The following CLUL1 variants were observed in gnomAD, a reference collection of about 807,000 sequenced individuals.
The protein encoded by CLUL1 is clusterin-like protein 1.
In CLUL1, 43 loss-of-function variants were observed where a neutral mutation model predicts 49.4. The ratio of observed to expected loss-of-function variants is 0.87; its 90% confidence interval spans 0.68 to 1.12. The LOEUF (loss-of-function observed/expected upper bound fraction) is 1.12. Ranked by LOEUF, CLUL1 falls within the 50% of genes most tolerant of loss-of-function variation. The pLI is 0.00. For missense variants in CLUL1, 486 were observed against 544.4 expected (o/e 0.89, Z 1.07); for synonymous variants, 192 against 184.9 (o/e 1.04, Z -0.31).
chr18:600,316 G>A (rs1050944393), intron 1 of CLUL1, among the ~76,000 whole-genome samples: 4 of 152,218 alleles, frequency 2.6e-5, no homozygotes, highest in Non-Finnish European at 4.4e-5. Flanking sequence ...CTGTAATGGA[G>A]TTTATCTGGC....
At chr18:637,403 C>T (rs926188112) in intron 7 of CLUL1, among the ~76,000 whole-genome samples, 4 of 152,090 alleles carry the variant, frequency 2.6e-5, no homozygotes, top group African/African-American at 9.7e-5. Context: ...TCTTCCACTT[C>T]ATTCTCTGTC....
rs370016609 is a variant in CLUL1 at position 609,371 on chromosome 18, A to G, written c.-14+2272A>G. On this transcript the variant is annotated intron_variant, in intron 2 of 9. Coordinates refer to ENST00000692774, the MANE Select transcript of CLUL1 (RefSeq NM_001393344.1). ...AAAAAATATGACATATATATCTGGC[A>G]TGCTCAGAAAAGCTATTTTGCAGCA... Among the ~76,000 whole-genome samples the G allele has an allele frequency of 2.0e-4, 30 of 152,346 alleles. No homozygotes were observed. In the East Asian group the frequency reaches 4.6e-3, roughly 23 times the overall value.
intron 4 of CLUL1, among the ~76,000 whole-genome samples, chr18:621,301 A>G (rs1488911797): frequency 6.6e-6 from 1 of 152,088 alleles, no homozygotes; most frequent in Non-Finnish European, 1.5e-5. Context: ...ACTTCTGAGG[A>G]TCATGGCCTC....
intron 6 of CLUL1, among the ~76,000 whole-genome samples, chr18:632,583 T>A (rs1386642735): frequency 6.6e-6 from 1 of 152,088 alleles, no homozygotes; most frequent in Non-Finnish European, 1.5e-5. Flanking sequence ...ACTAATGATA[T>A]AAGACAAATG....
Position 621,200 on chromosome 18 carries a change from A to G in CLUL1, c.255+1839A>G, listed in dbSNP as rs934330948. On this transcript the variant is annotated intron_variant, in intron 4 of 9. Transcript: ENST00000692774. ...ACCCCAGTCAGATTTTTAATTTAAAAATACAAGTGGAAGTTCTAATATTTT... is the reference window on the plus strand; with the variant it reads ...ACCCCAGTCAGATTTTTAATTTAAAGATACAAGTGGAAGTTCTAATATTTT... 2.0e-5 allele frequency among the ~76,000 whole-genome samples: 3 copies of G among 152,210 alleles called. 1 individual carries two copies. Among genetic ancestry groups the G allele is most frequent in the Admixed American group, 6.5e-5 (1 of 15,282 alleles).
chr18:612,573 G>A (rs761399349), intron 2 of CLUL1, among the ~76,000 whole-genome samples: 7 of 152,196 alleles, frequency 4.6e-5, no homozygotes, highest in Non-Finnish European at 7.4e-5. Context: ...TGAAAATTGT[G>A]TAGCTGGCTC....
intron 7 of CLUL1, among the ~76,000 whole-genome samples, chr18:639,540 C>G (rs566883097): frequency 2.7e-5 from 4 of 150,842 alleles, no homozygotes; most frequent in Non-Finnish European, 2.9e-5. Context: ...CCAAGGCGGG[C>G]AATCACTTAA....
At chr18:614,069 A>G (rs1818585263) in intron 2 of CLUL1, among the ~76,000 whole-genome samples, 1 of 152,212 alleles carries the variant, frequency 6.6e-6, no homozygotes, top group Non-Finnish European at 1.5e-5. Context: ...GGACAGGACC[A>G]TGAGACAATC....
chr18:634,321 C>G (rs1340495481), intron 7 of CLUL1, among the ~76,000 whole-genome samples: 1 of 151,932 alleles, frequency 6.6e-6, no homozygotes, highest in African/African-American at 2.4e-5. Flanking sequence ...TTAGTAGGGA[C>G]GAGGGTTTCA....
At chr18:598,554 G>A in intron 1 of CLUL1, 2 of 398,604 alleles carry the variant, frequency 5.0e-6, no homozygotes, top group Non-Finnish European at 8.8e-6. Context: ...GGGAACAGAA[G>A]TACCTCTCTT....
rs753575571 is a variant in CLUL1, at chr18:618,787, G to C, written c.107-426G>C. Among the ~76,000 whole-genome samples, 74 of 152,236 alleles carry C rather than the reference G, an allele frequency of 4.9e-4. 1 individual carries two copies. Among genetic ancestry groups the C allele is most frequent in the South Asian group, 2.3e-3 (11 of 4,804 alleles). ...TTACATGGGATACTTTCTAGGTCTC[G>C]TGCCTCCTTATTAGGTAACTGAAGC... is the stretch of plus-strand genomic sequence containing the variant. On this transcript the variant is annotated intron_variant, in intron 3 of 9. Coordinates refer to ENST00000692774, the MANE Select transcript of CLUL1 (RefSeq NM_001393344.1). The surrounding 1 kb of genome is among the most constrained non-coding windows in gnomAD (Gnocchi z 4.2).
intron 8 of CLUL1, among the ~76,000 whole-genome samples, chr18:642,459 C>T (rs1023516204): frequency 9.9e-5 from 15 of 152,016 alleles, no homozygotes; most frequent in Admixed American, 4.6e-4. Context: ...AAACATATTG[C>T]CATCTTAAAT....
At chr18:626,891 G>GAA (rs370511796) in intron 5 of CLUL1, among the ~76,000 whole-genome samples, 1 of 286 alleles carries the variant, frequency 3.5e-3, no homozygotes, top group Admixed American at 0.071. Context: ...AAGAAAGAAA[G>GAA]AAAGAAAGAA....
chr18:627,901 G>A (rs1232900594), intron 6 of CLUL1, among the ~76,000 whole-genome samples: 2 of 152,064 alleles, frequency 1.3e-5, no homozygotes, highest in African/African-American at 4.8e-5. Flanking sequence ...TTGGCTCACT[G>A]CAACCTCTGC....
intron 1 of CLUL1, among the ~76,000 whole-genome samples, chr18:605,183 C>A (rs2072937614): frequency 6.6e-6 from 1 of 152,164 alleles, no homozygotes; most frequent in Admixed American, 6.5e-5. Context: ...TATCGCTGTT[C>A]TAAAAATTCT....
intron 7 of CLUL1, 48 bp from the exon 8 acceptor site, chr18:641,279 A>G: frequency 6.4e-7 from 1 of 1,558,020 alleles, no homozygotes; most frequent in Non-Finnish European, 8.8e-7. Context: ...GCCCACCTCC[A>G]AGTTTCATGG....
At chr18:605,353 T>C (rs775935255) in intron 1 of CLUL1, among the ~76,000 whole-genome samples, 77 of 152,098 alleles carry the variant, frequency 5.1e-4, no homozygotes, top group Non-Finnish European at 9.9e-4. Flanking sequence ...TGAGGCAGGG[T>C]GTGGTGGCTC....
rs73364489 is a variant in CLUL1, at chr18:630,541, C to T, written c.857-2757C>T. Among the ~76,000 whole-genome samples the T allele has an allele frequency of 2.1e-3, 318 of 152,132 alleles. 2 individuals carry two copies. Among genetic ancestry groups the T allele is most frequent in the African/African-American group, 7.5e-3 (310 of 41,494 alleles). ...GCAGCCACAAGAGAAGGACTTGGCT[C>T]GACTTTGACGACCTTGAAGACAGAG... On this transcript the variant is annotated intron_variant, in intron 6 of 9. Coordinates refer to ENST00000692774, the MANE Select transcript of CLUL1 (RefSeq NM_001393344.1).
At chr18:609,182 A>G (rs1327202319) in intron 2 of CLUL1, among the ~76,000 whole-genome samples, 1 of 152,224 alleles carries the variant, frequency 6.6e-6, no homozygotes, top group African/African-American at 2.4e-5. Flanking sequence ...ATAATTTTCC[A>G]CATAAAACAA....
Sources: allele counts gnomAD v4.1 joint callset (sites outside exome capture counted in the v4.1 genomes callset), GRCh38; gene constraint gnomAD v4.1.1; non-coding constraint Gnocchi (gnomAD v3.1); transcripts MANE v1.5; gene names NCBI Gene and HGNC (gene_info 2026-07-23, HGNC 2026-07-21).